The following PTPRM variants were observed in gnomAD, a reference collection of about 807,000 sequenced individuals.
PTPRM encodes the protein protein tyrosine phosphatase receptor type M.
Under a neutral mutation model 186.7 loss-of-function variants are expected in PTPRM, and 47 were observed. That is an observed-to-expected ratio of 0.25 (90% CI 0.20 to 0.32). PTPRM has a LOEUF of 0.32. Among genes scored for constraint, PTPRM ranks in the 10% least tolerant of loss-of-function variants. PTPRM has a pLI of 1.00. For missense variants in PTPRM, 1,494 were observed against 1,865.0 expected, an observed-to-expected ratio of 0.80 and a Z score of 3.66; for synonymous variants, 668 against 674.9, an observed-to-expected ratio of 0.99 and a Z score of 0.16.
At chr18:8,173,346 T>C (rs1881489560) in intron 14 of PTPRM, among the ~76,000 whole-genome samples, 1 of 152,244 alleles carries the variant, frequency 6.6e-6, no homozygotes, top group Non-Finnish European at 1.5e-5. Context: ...ATGATTATTA[T>C]TTTCACAATA....
intron 19 of PTPRM, among the ~76,000 whole-genome samples, chr18:8,291,004 C>G (rs891806675): frequency 2.6e-5 from 4 of 152,090 alleles, no homozygotes; most frequent in Non-Finnish European, 5.9e-5. Flanking sequence ...AAAATCCCAC[C>G]TATAAAACTT....
At chr18:8,347,409 A>G (rs201242497) in intron 23 of PTPRM, among the ~76,000 whole-genome samples, 4 of 152,250 alleles carry the variant, frequency 2.6e-5, no homozygotes, top group African/African-American at 7.2e-5. Flanking sequence ...TGAGGACAGC[A>G]TAGTCTTTGG....
chr18:8,220,258 C>T (rs1025292997), intron 14 of PTPRM, among the ~76,000 whole-genome samples: 4 of 152,202 alleles, frequency 2.6e-5, no homozygotes, highest in African/African-American at 9.6e-5. Flanking sequence ...GACTTCCGAA[C>T]TTTAAAGTAT....
At chr18:8,333,860 C>T (rs368214714) in intron 22 of PTPRM, among the ~76,000 whole-genome samples, 19 of 152,190 alleles carry the variant, frequency 1.2e-4, no homozygotes, top group African/African-American at 4.1e-4. Flanking sequence ...CCCCCACCCA[C>T]CACACACTCC....
intron 14 of PTPRM, among the ~76,000 whole-genome samples, chr18:8,199,626 T>G (rs775518604): frequency 6.6e-6 from 1 of 152,226 alleles, no homozygotes; most frequent in Non-Finnish European, 1.5e-5. Context: ...GATTCATTTA[T>G]TATTTATTTA....
At chr18:7,935,583 G>T (rs1333547657) in intron 5 of PTPRM, among the ~76,000 whole-genome samples, 1 of 152,172 alleles carries the variant, frequency 6.6e-6, no homozygotes, top group African/African-American at 2.4e-5. Flanking sequence ...GAACAGGTAG[G>T]GCAGTAGAGA....
At chr18:8,296,104 CT>C (rs1347176556) in intron 19 of PTPRM, among the ~76,000 whole-genome samples, 4 of 152,172 alleles carry the variant, frequency 2.6e-5, no homozygotes, top group African/African-American at 9.7e-5. Flanking sequence ...ACCATTTTTA[CT>C]CGGTTATACA....
chr18:8,096,897 G>A (rs954103429), intron 11 of PTPRM, among the ~76,000 whole-genome samples: 1 of 152,222 alleles, frequency 6.6e-6, no homozygotes, highest in Non-Finnish European at 1.5e-5. Flanking sequence ...AAAGTCATGT[G>A]TGATCACTAA....
At position 7,820,461 on chromosome 18, in the gene PTPRM, C is replaced by T. The variant is rs75666203; in HGVS notation, c.196+46190C>T. On this transcript the variant is annotated intron_variant, in intron 2 of 32. Transcript: ENST00000580170. ...AACCCCCAAATCCATTCACTTTACA[C>T]AAACTTGCTTTACTTTTATTTTTTG... Among the ~76,000 whole-genome samples, 1,412 of 152,326 alleles carry T rather than the reference C, an allele frequency of 9.3e-3. 15 individuals carry two copies. The highest frequency in any genetic ancestry group is 0.015 in the Non-Finnish European group (1,006 of 68,018).
chr18:7,581,573 G>A (rs190403907), intron 1 of PTPRM, among the ~76,000 whole-genome samples: 11 of 151,632 alleles, frequency 7.3e-5, no homozygotes, highest in African/African-American at 2.7e-4. Context: ...TTTTTGGGTG[G>A]TGGCAGAAAG....
rs115920317 is a variant in PTPRM, at chr18:8,396,406, T to C, written c.4344+1795T>C. Among the ~76,000 whole-genome samples, 550 of 152,330 alleles carry C rather than the reference T, an allele frequency of 3.6e-3. 5 individuals carry two copies. Among genetic ancestry groups the C allele is most frequent in the African/African-American group, 0.012 (516 of 41,572 alleles). Reference sequence around the variant, plus strand: ...ACTTCCCTCTCACTGCAGCCTGAATTAAGCACATCATTAGAAACAGACCCT... The same window carrying C: ...ACTTCCCTCTCACTGCAGCCTGAATCAAGCACATCATTAGAAACAGACCCT... On this transcript the variant is annotated intron_variant, in intron 32 of 32. Coordinates refer to ENST00000580170, the MANE Select transcript of PTPRM (RefSeq NM_001105244.2).
intron 14 of PTPRM, among the ~76,000 whole-genome samples, chr18:8,215,884 G>A (rs74437396): frequency 0.041 from 6,211 of 152,014 alleles, 179 homozygotes; most frequent in Non-Finnish European, 0.061. Flanking sequence ...CAGAGTAACC[G>A]GGCTGCTTTG....
At chr18:8,191,762 T>A (rs1043136585) in intron 14 of PTPRM, among the ~76,000 whole-genome samples, 2 of 152,164 alleles carry the variant, frequency 1.3e-5, no homozygotes, top group African/African-American at 2.4e-5. Flanking sequence ...TCTGACTACA[T>A]TTTTTAATAC....
At chr18:7,832,248 A>G (rs984254785) in intron 2 of PTPRM, among the ~76,000 whole-genome samples, 1 of 152,168 alleles carries the variant, frequency 6.6e-6, no homozygotes, top group Non-Finnish European at 1.5e-5. Flanking sequence ...CACCAACTGT[A>G]TATGAAGGTT....
intron 1 of PTPRM, among the ~76,000 whole-genome samples, chr18:7,620,817 A>T (rs1264984417): frequency 1.3e-5 from 2 of 152,190 alleles, no homozygotes; most frequent in Non-Finnish European, 2.9e-5. Flanking sequence ...TTAAATAGGC[A>T]TAGTTGAAAG....
intron 14 of PTPRM, among the ~76,000 whole-genome samples, chr18:8,187,683 T>TG (rs765237877): frequency 2.6e-4 from 40 of 151,908 alleles, no homozygotes; most frequent in Non-Finnish European, 5.3e-4. Context: ...ACAGAAGAGA[T>TG]GGAGATTTAA....
chr18:8,100,658 A>G (rs142552137), intron 11 of PTPRM, among the ~76,000 whole-genome samples: 68 of 152,292 alleles, frequency 4.5e-4, no homozygotes, highest in African/African-American at 1.6e-3. Context: ...TAAATTCTCT[A>G]AGTCTGTTCC....
At chr18:7,689,057 G>A (rs74204715) in intron 1 of PTPRM, among the ~76,000 whole-genome samples, 7,330 of 152,214 alleles carry the variant, frequency 0.048, 250 homozygotes, top group Middle Eastern at 0.16. Context: ...TAGGAATATG[G>A]CATGTCCTGT....
At chr18:7,616,650 G>A (rs1165281793) in intron 1 of PTPRM, among the ~76,000 whole-genome samples, 1 of 152,256 alleles carries the variant, frequency 6.6e-6, no homozygotes, top group East Asian at 1.9e-4. Context: ...TCGTGGGCCC[G>A]CCTCTTTCCT....
Sources: gnomAD v4.1 joint callset for allele counts (sites outside exome capture counted in the v4.1 genomes callset) on GRCh38, gnomAD v4.1.1 for gene constraint, MANE v1.5 for transcripts, NCBI Gene and HGNC (gene_info 2026-07-23, HGNC 2026-07-21) for gene names.